RGS6: variants seen among roughly 807,000 people sequenced by gnomAD.
The protein encoded by RGS6 is regulator of G-protein signaling 6.
A neutral mutation model predicts 78.5 loss-of-function variants in RGS6; 30 were observed. The ratio of observed to expected loss-of-function variants is 0.38; its 90% CI spans 0.29 to 0.52. The LOEUF is 0.52. Among genes scored for constraint, RGS6 ranks in the 20% least tolerant of loss-of-function variants. RGS6 has a pLI of 0.85. For synonymous variants in RGS6, 206 were observed against 206.0 expected (o/e 1.00, Z 0.00); for missense variants, 495 against 609.7 (o/e 0.81, Z 1.98).
At chr14:72,433,000 G>A (rs533639548) in intron 3 of RGS6, among the ~76,000 whole-genome samples, 1 of 152,184 alleles carries the variant, frequency 6.6e-6, no homozygotes, top group Non-Finnish European at 1.5e-5. Context: ...TCCGTCTGGG[G>A]AGTGGAACTC....
chr14:72,472,538 G>T (rs1231044338), intron 8 of RGS6, among the ~76,000 whole-genome samples: 1 of 152,164 alleles, frequency 6.6e-6, no homozygotes, highest in Non-Finnish European at 1.5e-5. Context: ...GCATATCAAT[G>T]GATAATTCAG....
intron 3 of RGS6, among the ~76,000 whole-genome samples, chr14:72,396,309 T>C (rs1164301284): frequency 1.3e-5 from 2 of 152,240 alleles, no homozygotes; most frequent in Non-Finnish European, 2.9e-5. Context: ...ATTTTTCCCA[T>C]GTGTTTTTTG....
At chr14:72,137,044 AT>A (rs1040903092) in intron 2 of RGS6, among the ~76,000 whole-genome samples, 1 of 152,050 alleles carries the variant, frequency 6.6e-6, no homozygotes, top group African/African-American at 2.4e-5. Flanking sequence ...AATCCTATAC[AT>A]TTTTAAACAA....
chr14:72,106,096 C>A (rs1379681314), intron 2 of RGS6, among the ~76,000 whole-genome samples: 2 of 152,150 alleles, frequency 1.3e-5, no homozygotes, highest in Non-Finnish European at 2.9e-5. Flanking sequence ...CTGTATAGCA[C>A]ATCAGAGAAC....
intron 2 of RGS6, among the ~76,000 whole-genome samples, chr14:72,048,111 C>A (rs36742): frequency 2.0e-5 from 3 of 151,658 alleles, no homozygotes; most frequent in Non-Finnish European, 2.9e-5. Flanking sequence ...AGAGAGACTG[C>A]GGATTCAGAC....
intron 2 of RGS6, among the ~76,000 whole-genome samples, chr14:72,063,550 A>G (rs969722267): frequency 3.9e-5 from 6 of 152,164 alleles, no homozygotes; most frequent in African/African-American, 7.2e-5. Context: ...GTGAGAGGTA[A>G]GGGAGGATAG....
chr14:72,283,170 T>C (rs1034263339), intron 2 of RGS6, among the ~76,000 whole-genome samples: 3 of 152,236 alleles, frequency 2.0e-5, no homozygotes, highest in African/African-American at 7.2e-5. Flanking sequence ...TATTCTTTCA[T>C]CCATCAATGA....
chr14:72,230,798 A>G (rs1266761362), intron 2 of RGS6, among the ~76,000 whole-genome samples: 2 of 152,142 alleles, frequency 1.3e-5, no homozygotes, highest in Non-Finnish European at 2.9e-5. Context: ...ATCAAGGGTT[A>G]TCTCCTTTAC....
At chr14:72,546,499 C>A (rs1284193184) in intron 17 of RGS6, among the ~76,000 whole-genome samples, 1 of 152,118 alleles carries the variant, frequency 6.6e-6, no homozygotes, top group Admixed American at 6.5e-5. Flanking sequence ...GAAGGAGGAG[C>A]CCCCAGCTGT....
the RGS6 span, among the ~76,000 whole-genome samples, chr14:72,616,447 T>C: frequency 1.2e-4 from 19 of 152,152 alleles, no homozygotes; most frequent in Non-Finnish European, 2.1e-4. Flanking sequence ...CCTGGCAATA[T>C]AAACTCCCTT....
At chr14:71,991,630 C>T (rs2094958613) in intron 2 of RGS6, among the ~76,000 whole-genome samples, 1 of 152,178 alleles carries the variant, frequency 6.6e-6, no homozygotes, top group African/African-American at 2.4e-5. Flanking sequence ...ACCCCCTGCT[C>T]AGAGAGTTGT....
chr14:72,488,527 A>G (rs1031929582), intron 12 of RGS6, among the ~76,000 whole-genome samples: 6 of 152,338 alleles, frequency 3.9e-5, no homozygotes, highest in African/African-American at 1.4e-4. Context: ...TCTTAAAGAG[A>G]TCTGGCTATG....
intron 2 of RGS6, among the ~76,000 whole-genome samples, chr14:72,299,577 A>C (rs1595504939): frequency 6.6e-6 from 1 of 152,218 alleles, no homozygotes; most frequent in Non-Finnish European, 1.5e-5. Context: ...AAATAACTGC[A>C]CCATTTTAGA....
At chr14:72,554,182 G>A (rs868177869) in intron 17 of RGS6, among the ~76,000 whole-genome samples, 1 of 152,352 alleles carries the variant, frequency 6.6e-6, no homozygotes, top group Middle Eastern at 3.4e-3. Flanking sequence ...TGCTTTTGTG[G>A]GGGGATGAGA....
At chr14:72,344,700 T>C (rs1056017543) in intron 2 of RGS6, among the ~76,000 whole-genome samples, 1 of 152,216 alleles carries the variant, frequency 6.6e-6, no homozygotes, top group African/African-American at 2.4e-5. Context: ...TAATGGGTGA[T>C]ACAAATGCAA....
intron 17 of RGS6, among the ~76,000 whole-genome samples, chr14:72,560,985 C>G (rs751357886): frequency 6.6e-6 from 1 of 152,100 alleles, no homozygotes; most frequent in Non-Finnish European, 1.5e-5. Context: ...TGGACAAACT[C>G]CCATCTATAG....
At chr14:72,557,728 G>A (rs929382914) in intron 17 of RGS6, among the ~76,000 whole-genome samples, 4 of 152,296 alleles carry the variant, frequency 2.6e-5, no homozygotes, top group Non-Finnish European at 5.9e-5. Flanking sequence ...AACGAAACAC[G>A]ATTTTTCATG....
At position 71,982,726 on chromosome 14, in the gene RGS6, GC is replaced by G. The variant is rs2094524332; in HGVS notation, c.84+17852del. ...TTGAGAAGAACAAGCAGCTCCAATT[GC>G]TGGGCTCATCTTCTTAGTTTTCTTC... On this transcript the variant is annotated intron_variant, in intron 2 of 17. Coordinates refer to ENST00000553525, the MANE Select transcript of RGS6 (RefSeq NM_001204424.2). Among the ~76,000 whole-genome samples the G allele has an allele frequency of 2.0e-5, 3 of 152,328 alleles. No homozygotes were observed. In the South Asian group the frequency reaches 6.2e-4, roughly 32 times the overall value.
intron 2 of RGS6, among the ~76,000 whole-genome samples, chr14:72,264,608 G>A (rs1426533959): frequency 6.6e-6 from 1 of 152,140 alleles, no homozygotes; most frequent in African/African-American, 2.4e-5. Flanking sequence ...TTCATAAAAG[G>A]ATTTTCCAAG....
Sources: gnomAD v4.1 joint callset for allele counts (sites outside exome capture counted in the v4.1 genomes callset) on GRCh38, gnomAD v4.1.1 for gene constraint, MANE v1.5 for transcripts, NCBI Gene and HGNC (gene_info 2026-07-23, HGNC 2026-07-21) for gene names.